Variants in PLCG2 observed in about 807,000 individuals in gnomAD.
PLCG2 encodes the protein 1-phosphatidylinositol 4,5-bisphosphate phosphodiesterase gamma-2.
PLCG2 carries 69 observed loss-of-function variants against 175.6 expected under a neutral mutation model. That is an observed-to-expected ratio of 0.39 (90% CI 0.32 to 0.48). The LOEUF (loss-of-function observed/expected upper bound fraction) is 0.48, where lower values mean the gene tolerates loss of function less well. PLCG2 is among the 20% of genes least tolerant of loss of function. The pLI is 0.91. For synonymous variants in PLCG2, 827 were observed against 624.0 expected (o/e 1.33, Z -4.85); for missense variants, 1,798 against 1,650.9 (o/e 1.09, Z -1.54).
chr16:81,907,653 T>G (rs766272030), intron 15 of PLCG2, 32 bp from the exon 16 acceptor site: 1 of 1,527,028 alleles, frequency 6.5e-7, no homozygotes, highest in East Asian at 2.3e-5. Context: ...GTAGAGGACT[T>G]GGGGGGCACT....
In PLCG2 at chr16:81,934,410, G is replaced by C. The variant is rs370318941; in HGVS notation, c.2740-19G>C. The C allele has an allele frequency of 1.8e-5, 28 of 1,524,966 alleles. No homozygotes were observed. The highest frequency in any genetic ancestry group is 2.4e-5 in the Non-Finnish European group (26 of 1,099,852). The allele number at this position is 1,524,966 out of a possible 1,614,324, so 94.5% of individuals were successfully genotyped here. ...GGATTTCTCGGGGGCGGGCACTAAAGACAGTGAACTCCAAACAGGAGAACA... is the reference window on the plus strand; with the variant it reads ...GGATTTCTCGGGGGCGGGCACTAAACACAGTGAACTCCAAACAGGAGAACA... On this transcript the variant is annotated intron_variant, in intron 25 of 32. Coordinates refer to ENST00000564138, the MANE Select transcript of PLCG2 (RefSeq NM_002661.5).
At chr16:81,884,379 C>T (rs1018645266) in intron 9 of PLCG2, among the ~76,000 whole-genome samples, 4 of 151,740 alleles carry the variant, frequency 2.6e-5, no homozygotes, top group African/African-American at 9.7e-5. Flanking sequence ...ACACCCCCAC[C>T]CCACCAAAAA....
intron 11 of PLCG2, 35 bp downstream of exon 11, chr16:81,891,625 G>A: frequency 1.7e-6 from 2 of 1,209,128 alleles, no homozygotes; most frequent in Non-Finnish European, 2.5e-6. Flanking sequence ...GGGTTGGGCA[G>A]CACAGAGCAC....
intron 1 of PLCG2, among the ~76,000 whole-genome samples, chr16:81,744,295 G>T (rs530573919): frequency 4.6e-5 from 7 of 151,662 alleles, no homozygotes; most frequent in African/African-American, 1.7e-4. Flanking sequence ...CTCCCAAGTA[G>T]CTGGGATTAC....
At chr16:81,773,470 G>A (rs1299863706) in intron 2 of PLCG2, among the ~76,000 whole-genome samples, 9 of 152,110 alleles carry the variant, frequency 5.9e-5, no homozygotes, top group African/African-American at 2.4e-5. Context: ...GACACAGGGG[G>A]GTAAGAGGCA....
At chr16:81,908,695 C>A in intron 17 of PLCG2, 104 bp downstream of exon 17, 1 of 988,838 alleles carries the variant, frequency 1.0e-6, no homozygotes, top group Non-Finnish European at 1.5e-6. Context: ...CAGGCTGGGA[C>A]CTGAATCCCA....
intron 2 of PLCG2, among the ~76,000 whole-genome samples, chr16:81,840,266 T>C (rs961445646): frequency 1.3e-5 from 2 of 152,142 alleles, no homozygotes; most frequent in African/African-American, 4.8e-5. Context: ...CACCCTGTCA[T>C]GGCCTGGGTG....
At chr16:81,883,714 T>A (rs1210486953) in intron 9 of PLCG2, 1 of 289,010 alleles carries the variant, frequency 3.5e-6, no homozygotes, top group East Asian at 9.3e-5. Context: ...CTGGGAAGCC[T>A]TCCTTGACTG....
At chr16:81,781,846 C>A (rs1325780762) in intron 1 of PLCG2, among the ~76,000 whole-genome samples, 1 of 145,518 alleles carries the variant, frequency 6.9e-6, no homozygotes, top group African/African-American at 2.6e-5. Flanking sequence ...TGGGTCCTCG[C>A]ATCTCATTTC....
intron 5 of PLCG2, among the ~76,000 whole-genome samples, chr16:81,867,203 C>T (rs545548992): frequency 1.3e-5 from 2 of 152,324 alleles, no homozygotes; most frequent in African/African-American, 2.4e-5. Flanking sequence ...TACTTCCTTC[C>T]GCATGCCACA....
chr16:81,900,188 C>T (rs1909086498), intron 13 of PLCG2, among the ~76,000 whole-genome samples: 1 of 152,082 alleles, frequency 6.6e-6, no homozygotes, highest in South Asian at 2.1e-4. Flanking sequence ...AAGTAATAAA[C>T]ATACTAAAGT....
chr16:81,817,221 C>G (rs981672185), intron 2 of PLCG2, among the ~76,000 whole-genome samples: 3 of 151,872 alleles, frequency 2.0e-5, no homozygotes, highest in Non-Finnish European at 2.9e-5. Context: ...ATATTTAGGC[C>G]GAGATCCGAT....
chr16:81,839,699 T>C (rs570763543), intron 2 of PLCG2, among the ~76,000 whole-genome samples: 2 of 152,294 alleles, frequency 1.3e-5, no homozygotes, highest in Admixed American at 6.5e-5. Flanking sequence ...GTGGGCACCA[T>C]TTAAATTTAA....
chr16:81,863,058 A>G (rs146514016), intron 5 of PLCG2, among the ~76,000 whole-genome samples: 1 of 152,242 alleles, frequency 6.6e-6, no homozygotes, highest in African/African-American at 2.4e-5. Context: ...ACATAGAACA[A>G]CATTGATCAT....
chr16:81,815,093 T>C (rs919147973), intron 2 of PLCG2, among the ~76,000 whole-genome samples: 13 of 152,212 alleles, frequency 8.5e-5, no homozygotes, highest in Non-Finnish European at 1.6e-4. Flanking sequence ...TTCCTTTTTT[T>C]CCTGAGTTAT....
chr16:81,946,329 C>T (rs1331001748), intron 31 of PLCG2, 66 bp downstream of exon 31: 35 of 1,136,008 alleles, frequency 3.1e-5, no homozygotes, highest in African/African-American at 1.2e-4. Context: ...AGAAACGGCC[C>T]GTGAATACAA....
chr16:81,889,309 CTT>C, intron 10 of PLCG2, 36 bp downstream of exon 10: 1 of 1,140,726 alleles, frequency 8.8e-7, no homozygotes, highest in Non-Finnish European at 1.3e-6. Flanking sequence ...TTGGGGGTGA[CTT>C]TTTGATTGAT....
chr16:81,843,081 G>C (rs1264031927), intron 2 of PLCG2, among the ~76,000 whole-genome samples: 3 of 152,022 alleles, frequency 2.0e-5, no homozygotes, highest in African/African-American at 7.3e-5. Flanking sequence ...TCTGTGGCTG[G>C]GTTATCTCAC....
intron 2 of PLCG2, among the ~76,000 whole-genome samples, chr16:81,809,363 C>G (rs530934928): frequency 4.6e-5 from 7 of 152,296 alleles, no homozygotes; most frequent in African/African-American, 1.7e-4. Context: ...CCCTCACCCT[C>G]AGTCAGGACA....
Sources: gnomAD v4.1 joint callset for allele counts (sites outside exome capture counted in the v4.1 genomes callset) on GRCh38, gnomAD v4.1.1 for gene constraint, MANE v1.5 for transcripts, NCBI Gene and HGNC (gene_info 2026-07-23, HGNC 2026-07-21) for gene names.